COL18A1: variants seen among roughly 807,000 people sequenced by gnomAD.
COL18A1 encodes collagen type XVIII alpha 1 chain.
A neutral mutation model predicts 168.0 loss-of-function variants in COL18A1; 133 were observed. The ratio of observed to expected loss-of-function variants is 0.79; its 90% CI spans 0.69 to 0.91. The LOEUF is 0.91. Among genes scored for constraint, COL18A1 ranks in the 40% least tolerant of loss-of-function variants. The pLI is 0.00. For synonymous variants in COL18A1, 949 were observed against 809.0 expected (o/e 1.17, Z -2.94); for missense variants, 2,126 against 1,925.4 (o/e 1.10, Z -1.95).
At chr21:45,474,616 AC>A (rs2035572499) in intron 4 of COL18A1, among the ~76,000 whole-genome samples, 1 of 151,862 alleles carries the variant, frequency 6.6e-6, no homozygotes, top group Admixed American at 6.6e-5. Flanking sequence ...ATCACGTGGT[AC>A]CCAAGGGGAG....
rs548836668 is a variant in COL18A1, at chr21:45,499,531, C to T, written c.2683+1870C>T. ...GTGTGGGCTGCCCCGCATGGCATCC[C>T]AGGAACAGTGGGGTCAGAGGCTCCC... On this transcript the variant is annotated intron_variant, in intron 32 of 41. Coordinates refer to ENST00000651438, the MANE Select transcript of COL18A1 (RefSeq NM_001379500.1). Among the ~76,000 whole-genome samples, 35 of 151,440 alleles carry T rather than the reference C, an allele frequency of 2.3e-4. No individual in the cohort carries two copies. The South Asian group carries it at 6.7e-3, about 29-fold the overall frequency.
At position 45,480,178 on chromosome 21, in the gene COL18A1, C is replaced by T. The variant is rs1156716625; in HGVS notation, c.1398+22C>T. 3.5e-6 allele frequency: 5 copies of T among 1,419,066 alleles called. No homozygotes were observed. The East Asian group carries it at 9.4e-5, about 27-fold the overall frequency. The allele number at this position is 1,419,066 out of a possible 1,614,324, so 87.9% of individuals were successfully genotyped here. A position where few individuals can be genotyped will look rare whatever the true frequency, so the allele number is the denominator to read the frequency against. On this transcript the variant is annotated intron_variant, in intron 11 of 41. Transcript: ENST00000651438. ...GCTGGTAAGTCCCGCCCTTGGCTTC[C>T]TGCGACCCGGGGTCTGCCCTCCTCA...
chr21:45,456,769 G>A lies in COL18A1; in HGVS notation c.107-11473G>A, dbSNP rs910357420. ...CGCCACCCTGCTGCCAGTTCTGCGA[G>A]GCCCTGCAGGATGCGTGTTGGAGCC... is the stretch of plus-strand genomic sequence containing the variant. On this transcript the variant is annotated intron_variant, in intron 2 of 41. Transcript: ENST00000651438. 5.8e-6 allele frequency: 9 copies of A among 1,542,050 alleles called. No homozygotes were observed. The African/African-American group carries it at 1.2e-4, about 21-fold the overall frequency.
intron 32 of COL18A1, among the ~76,000 whole-genome samples, chr21:45,503,621 C>T (rs1264792359): frequency 8.2e-6 from 1 of 121,788 alleles, no homozygotes; most frequent in East Asian, 2.4e-4. Context: ...GAACATCACA[C>T]TCTGGGGACT....
intron 2 of COL18A1, among the ~76,000 whole-genome samples, chr21:45,444,124 G>A (rs770845534): frequency 1.4e-4 from 22 of 152,150 alleles, no homozygotes; most frequent in Non-Finnish European, 2.1e-4. Context: ...TGGCGTGGTC[G>A]TCCCGTGGCG....
chr21:45,432,323 G>A (rs2033986316), intron 2 of COL18A1, among the ~76,000 whole-genome samples: 1 of 152,242 alleles, frequency 6.6e-6, no homozygotes, highest in Non-Finnish European at 1.5e-5. Context: ...AGGCAGCCTT[G>A]CAGATGCCGC....
At chr21:45,460,669 G>A (rs1024003408) in intron 2 of COL18A1, among the ~76,000 whole-genome samples, 1 of 152,196 alleles carries the variant, frequency 6.6e-6, no homozygotes, top group African/African-American at 2.4e-5. Context: ...AAAATGCTTT[G>A]ATTTGTTTGA....
At chr21:45,494,244 G>A in intron 26 of COL18A1, 3 of 447,284 alleles carry the variant, frequency 6.7e-6, no homozygotes, top group South Asian at 2.3e-5. Flanking sequence ...CGTGGCACAT[G>A]CCCTCCACCC....
In COL18A1 at chr21:45,495,144, G is replaced by A; in HGVS notation, c.2434-214G>A. 4 of 647,548 alleles carry A rather than the reference G, an allele frequency of 6.2e-6. No homozygotes were observed. The South Asian group carries it at 7.1e-5, about 11-fold the overall frequency. The allele number at this position is 647,548 out of a possible 1,614,324, so 40.1% of individuals were successfully genotyped here. On this transcript the variant is annotated intron_variant, in intron 28 of 41. Coordinates refer to ENST00000651438, the MANE Select transcript of COL18A1 (RefSeq NM_001379500.1). ...AAGCCCTGGAGGCAGACAGGGCAGT[G>A]GGCCTGTGTGTGCTAGGCTCAGTCA...
At chr21:45,438,069 C>T (rs540925343) in intron 2 of COL18A1, among the ~76,000 whole-genome samples, 1 of 127,614 alleles carries the variant, frequency 7.8e-6, no homozygotes, top group Admixed American at 7.8e-5. Flanking sequence ...CACACTCACA[C>T]TCAGACAAGC....
intron 38 of COL18A1, among the ~76,000 whole-genome samples, chr21:45,508,125 G>C (rs73370874): frequency 1.3e-5 from 2 of 151,156 alleles, no homozygotes; most frequent in East Asian, 3.9e-4. Context: ...GTGAGTGGAC[G>C]GGTGGGTGGG....
chr21:45,504,308 TG>T, intron 33 of COL18A1, 107 bp from the exon 34 acceptor site: 1 of 1,159,138 alleles, frequency 8.6e-7, no homozygotes, highest in South Asian at 1.5e-5. Flanking sequence ...CTCCCAGGCC[TG>T]GGCTCCGGAA....
intron 2 of COL18A1, among the ~76,000 whole-genome samples, chr21:45,447,450 A>G (rs1049186525): frequency 6.6e-6 from 1 of 152,200 alleles, no homozygotes; most frequent in Non-Finnish European, 1.5e-5. Flanking sequence ...AAATCTGTTT[A>G]CAACAGCATC....
At position 45,513,015 on chromosome 21, in the gene COL18A1, C is replaced by G. The variant is rs773500117; in HGVS notation, c.*617C>G. ...TGAAGCAGGTTCCCAAGCTCAGAGGCGCACTGTGACCCCCAGCTCCGGCCT... is the reference window on the plus strand; with the variant it reads ...TGAAGCAGGTTCCCAAGCTCAGAGGGGCACTGTGACCCCCAGCTCCGGCCT... On this transcript the variant is annotated 3_prime_UTR_variant, in exon 42 of 42. Coordinates refer to ENST00000651438, the MANE Select transcript of COL18A1 (RefSeq NM_001379500.1). The G allele has an allele frequency of 6.2e-6, 1 of 160,224 alleles. No homozygotes were observed. The highest frequency in any genetic ancestry group is 1.4e-5 in the Non-Finnish European group (1 of 72,454). The allele number at this position is 160,224 out of a possible 1,614,324, so 9.9% of individuals were successfully genotyped here.
intron 2 of COL18A1, among the ~76,000 whole-genome samples, chr21:45,462,891 T>A (rs1285656665): frequency 3.3e-5 from 5 of 152,074 alleles, no homozygotes; most frequent in African/African-American, 1.2e-4. Context: ...CAGCGTTCGC[T>A]TTTTTTTGTT....
At chr21:45,415,371 A>T (rs998848914) in intron 2 of COL18A1, among the ~76,000 whole-genome samples, 1 of 152,172 alleles carries the variant, frequency 6.6e-6, no homozygotes, top group African/African-American at 2.4e-5. Context: ...TCCTGACTCA[A>T]TGGAACCTCT....
In COL18A1 at chr21:45,512,120, C is replaced by T. The variant is rs550817116; in HGVS notation, c.3810-68C>T. The T allele has an allele frequency of 1.6e-5, 24 of 1,530,560 alleles. No individual in the cohort carries two copies. In the Admixed American group the frequency reaches 4.0e-4, roughly 26 times the overall value. 94.8% of individuals were successfully genotyped at this position (1,530,560 alleles called of 1,614,324 possible). On this transcript the variant is annotated intron_variant, in intron 41 of 41. Coordinates refer to ENST00000651438, the MANE Select transcript of COL18A1 (RefSeq NM_001379500.1). The stretch of plus-strand genomic sequence containing the variant: ...GGCCTCCTGCCTCCACCTTTCCTGC[C>T]CGGGGAGCGGCCTCTGCCCTAAGCA...
chr21:45,437,980 ACACT>A (rs1406135483), intron 2 of COL18A1, among the ~76,000 whole-genome samples: 1 of 82,516 alleles, frequency 1.2e-5, no homozygotes, highest in Non-Finnish European at 2.2e-5. Flanking sequence ...ACACACTCAC[ACACT>A]CAGACACACA....
chr21:45,490,550 TCCTGGGTCTC>T (rs1456539007), intron 20 of COL18A1, among the ~76,000 whole-genome samples: 11 of 92,568 alleles, frequency 1.2e-4, no homozygotes, highest in African/African-American at 5.0e-4. Flanking sequence ...CCGTGTGCCC[TCCTGGGTCTC>T]CGTGTGCCCT....
Sources: gnomAD v4.1 joint callset for allele counts (sites outside exome capture counted in the v4.1 genomes callset) on GRCh38, gnomAD v4.1.1 for gene constraint, MANE v1.5 for transcripts, NCBI Gene and HGNC (gene_info 2026-07-23, HGNC 2026-07-21) for gene names.